The following LYPLAL1 variants were observed in gnomAD, a reference collection of about 807,000 sequenced individuals.
The protein encoded by LYPLAL1 is lysophospholipase-like protein 1.
Under a neutral mutation model 19.7 loss-of-function variants are expected in LYPLAL1, and 23 were observed. That is an observed-to-expected ratio of 1.17 (90% CI 0.84 to 1.65). The LOEUF is 1.65. Among genes scored for constraint, LYPLAL1 ranks in the 40% most tolerant of loss-of-function variants. The pLI is 0.00. For synonymous variants in LYPLAL1, 119 were observed against 96.3 expected (o/e 1.24, Z -1.38); for missense variants, 355 against 279.4 (o/e 1.27, Z -1.93).
the LYPLAL1 span, among the ~76,000 whole-genome samples, chr1:219,359,701 G>T: frequency 6.6e-6 from 1 of 152,100 alleles, no homozygotes; most frequent in Admixed American, 6.6e-5. Flanking sequence ...CAAAGGTAAT[G>T]AAAATGTCAC....
chr1:219,183,994 G>T (rs1477123634), intron 2 of LYPLAL1, among the ~76,000 whole-genome samples: 1 of 151,830 alleles, frequency 6.6e-6, no homozygotes, highest in Admixed American at 6.6e-5. Context: ...TATCACAGCT[G>T]TATAGAAAAT....
the LYPLAL1 span, among the ~76,000 whole-genome samples, chr1:219,254,665 T>A: frequency 3.1e-4 from 47 of 152,068 alleles, no homozygotes; most frequent in African/African-American, 1.1e-3. Context: ...CCTAATGGGG[T>A]CCCCTTTGTA....
chr1:219,247,276 G>A, the LYPLAL1 span, among the ~76,000 whole-genome samples: 1 of 152,046 alleles, frequency 6.6e-6, no homozygotes, highest in Admixed American at 6.6e-5. Context: ...ATGAGTAATA[G>A]AATCCAAAGT....
chr1:219,319,697 G>A, the LYPLAL1 span, among the ~76,000 whole-genome samples: 1 of 152,196 alleles, frequency 6.6e-6, no homozygotes, highest in Non-Finnish European at 1.5e-5. Context: ...AGGCAAGAGT[G>A]TAACAAGCAG....
At chr1:219,275,820 G>T in the LYPLAL1 span, among the ~76,000 whole-genome samples, 2 of 152,018 alleles carry the variant, frequency 1.3e-5, no homozygotes, top group East Asian at 3.9e-4. Flanking sequence ...TAAGGCTCAA[G>T]ATTCTACACC....
chr1:219,406,084 C>T, the LYPLAL1 span, among the ~76,000 whole-genome samples: 10 of 152,298 alleles, frequency 6.6e-5, no homozygotes, highest in South Asian at 4.1e-4. Context: ...CAACCCAATA[C>T]GCTTGAGATT....
the LYPLAL1 span, among the ~76,000 whole-genome samples, chr1:219,319,959 A>T: frequency 4.6e-5 from 7 of 152,296 alleles, no homozygotes; most frequent in Non-Finnish European, 8.8e-5. Flanking sequence ...ATATTCTGTG[A>T]CCTAAACACT....
At chr1:219,379,739 A>T in the LYPLAL1 span, among the ~76,000 whole-genome samples, 2 of 152,210 alleles carry the variant, frequency 1.3e-5, no homozygotes, top group Non-Finnish European at 2.9e-5. Flanking sequence ...ATTCATTTGG[A>T]CAGATAATTG....
intron 3 of LYPLAL1, among the ~76,000 whole-genome samples, chr1:219,202,645 A>G (rs1256822445): frequency 6.6e-6 from 1 of 152,206 alleles, no homozygotes; most frequent in Non-Finnish European, 1.5e-5. Context: ...AACAATTTTT[A>G]TTAAGCACAC....
chr1:219,252,457 C>T, the LYPLAL1 span, among the ~76,000 whole-genome samples: 29 of 152,038 alleles, frequency 1.9e-4, no homozygotes, highest in East Asian at 2.1e-3. Context: ...TATGTTCCTT[C>T]GATACCTAGT....
chr1:219,193,153 C>T lies in LYPLAL1; in HGVS notation c.263C>T (p.Pro88Leu), dbSNP rs767189420. ...FDRFKITNDC[P>L]EHLESIDVMC... ...AGATTTAAAATAACCAATGACTGCC[C>T]AGAACACCTTGAATCAATTGATGTC... The change falls in exon 3 of 5, where the codon CCA (proline) becomes CTA (leucine). Residue 88 changes from proline (P) to leucine (L), a missense_variant. Pro to Leu is a moderately conservative substitution (Grantham distance 98, BLOSUM62 -3). Transcript: ENST00000366928. The T allele has an allele frequency of 6.2e-7, 1 of 1,610,426 alleles. No homozygotes were observed. Among genetic ancestry groups the T allele is most frequent in the Non-Finnish European group, 8.5e-7 (1 of 1,177,750 alleles).
rs76964556 is a variant in LYPLAL1 at position 219,200,079 on chromosome 1, A to T, written c.361+6828A>T. The T allele has an allele frequency of 3.4e-3, 777 of 229,640 alleles. 8 individuals are homozygous for T. Among genetic ancestry groups the T allele is most frequent in the African/African-American group, 0.017 (750 of 43,708 alleles). The allele number at this position is 229,640 out of a possible 1,614,324, so 14.2% of individuals were successfully genotyped here. A position where few individuals can be genotyped will look rare whatever the true frequency, so the allele number is the denominator to read the frequency against. On this transcript the variant is annotated intron_variant, in intron 3 of 4. Transcript: ENST00000366928. ...CTTTGCATCCTTCCATCTGTTGAAC[A>T]ATGTAACATGGTGCCAACCATACAG...
the LYPLAL1 span, among the ~76,000 whole-genome samples, chr1:219,408,298 C>A: frequency 6.6e-6 from 1 of 152,134 alleles, no homozygotes; most frequent in African/African-American, 2.4e-5. Context: ...GACAGGTGGC[C>A]TAGACTCAAC....
chr1:219,375,155 A>T, the LYPLAL1 span, among the ~76,000 whole-genome samples: 1 of 152,268 alleles, frequency 6.6e-6, no homozygotes, highest in East Asian at 1.9e-4. Flanking sequence ...TAGACAGATT[A>T]AAAAAGCATT....
the LYPLAL1 span, among the ~76,000 whole-genome samples, chr1:219,331,914 T>G: frequency 1.3e-5 from 2 of 152,154 alleles, no homozygotes; most frequent in African/African-American, 4.8e-5. Context: ...GGGGCATTAC[T>G]AAGGGATTTC....
intron 3 of LYPLAL1, chr1:219,200,065 TC>T (rs1657969381): frequency 8.7e-6 from 2 of 230,814 alleles, no homozygotes; most frequent in Non-Finnish European, 1.8e-5. Flanking sequence ...TTTGCATCCT[TC>T]CATCTGTTGA....
the LYPLAL1 span, among the ~76,000 whole-genome samples, chr1:219,261,756 C>T: frequency 1.3e-5 from 2 of 152,146 alleles, no homozygotes; most frequent in Admixed American, 6.5e-5. Context: ...ATAGGTTTTT[C>T]GTTACAGGTT....
the LYPLAL1 span, among the ~76,000 whole-genome samples, chr1:219,282,408 A>AG: frequency 6.6e-6 from 1 of 151,506 alleles, no homozygotes; most frequent in Non-Finnish European, 1.5e-5. Flanking sequence ...GAGAAAATGA[A>AG]GGGGGGATAT....
At chr1:219,371,446 T>A in the LYPLAL1 span, among the ~76,000 whole-genome samples, 8 of 152,214 alleles carry the variant, frequency 5.3e-5, no homozygotes, top group Admixed American at 3.9e-4. Flanking sequence ...ATGAACAATA[T>A]TCTGTCAGTA....
Sources: gnomAD v4.1 joint callset for allele counts (sites outside exome capture counted in the v4.1 genomes callset) on GRCh38, gnomAD v4.1.1 for gene constraint, MANE v1.5 for transcripts, NCBI Gene and HGNC (gene_info 2026-07-23, HGNC 2026-07-21) for gene names.